The following CSMD1 variants were observed in gnomAD, a reference collection of about 807,000 sequenced individuals.
CSMD1 encodes CUB and sushi domain-containing protein 1.
Under a neutral mutation model 417.5 loss-of-function variants are expected in CSMD1, and 213 were observed. The ratio of observed to expected loss-of-function variants is 0.51; its 90% CI spans 0.46 to 0.57. CSMD1 has a LOEUF of 0.57. Among genes scored for constraint, CSMD1 ranks in the 20% least tolerant of loss-of-function variants. The pLI, the probability that CSMD1 is intolerant of heterozygous loss-of-function variation, is 0.00. For synonymous variants in CSMD1, 2,862 were observed against 1,736.8 expected (o/e 1.65, Z -16.11); for missense variants, 6,923 against 4,529.7 (o/e 1.53, Z -15.17).
chr8:3,584,329 C>T (rs764711136), intron 9 of CSMD1, among the ~76,000 whole-genome samples: 1 of 152,126 alleles, frequency 6.6e-6, no homozygotes, highest in Non-Finnish European at 1.5e-5. Flanking sequence ...AAACCAAACA[C>T]ACCAAACAAG....
chr8:4,069,373 C>G (rs1343073557), intron 3 of CSMD1, among the ~76,000 whole-genome samples: 1 of 152,178 alleles, frequency 6.6e-6, no homozygotes, highest in East Asian at 1.9e-4. Flanking sequence ...GTGATTTTTA[C>G]TTTATGCTTT....
chr8:3,630,245 T>C (rs1274333170), intron 7 of CSMD1, among the ~76,000 whole-genome samples: 1 of 152,134 alleles, frequency 6.6e-6, no homozygotes, highest in Non-Finnish European at 1.5e-5. Context: ...AGATTTTGGA[T>C]AGGGTCACAG....
intron 3 of CSMD1, among the ~76,000 whole-genome samples, chr8:4,072,298 C>A (rs1414379843): frequency 1.3e-5 from 2 of 152,108 alleles, no homozygotes; most frequent in Non-Finnish European, 2.9e-5. Context: ...CAAAAAAATA[C>A]CTTCCTTTGC....
At chr8:3,782,840 C>T (rs181857145) in intron 5 of CSMD1, among the ~76,000 whole-genome samples, 2 of 152,064 alleles carry the variant, frequency 1.3e-5, no homozygotes, top group African/African-American at 2.4e-5. Context: ...ACTTATGGAG[C>T]GACTTTCTTG....
At chr8:3,378,413 C>G (rs762884799) in intron 18 of CSMD1, among the ~76,000 whole-genome samples, 1 of 152,114 alleles carries the variant, frequency 6.6e-6, no homozygotes, top group South Asian at 2.1e-4. Flanking sequence ...GCAGCATCAT[C>G]CTGATACCAA....
intron 1 of CSMD1, among the ~76,000 whole-genome samples, chr8:4,837,499 C>G (rs1288457267): frequency 2.0e-5 from 3 of 152,072 alleles, no homozygotes; most frequent in African/African-American, 7.2e-5. Context: ...CACAGAAAGG[C>G]AAACACAAAA....
Position 4,784,617 on chromosome 8 carries a change from C to A in CSMD1, c.86-147059G>T, listed in dbSNP as rs568280257. ...ACTTACTGTTAAATTTCTTTTTTCA[C>A]CGATGGTTTTAAATATCCATTATGC... On this transcript the variant is annotated intron_variant, in intron 1 of 69. Transcript: ENST00000635120. Among the ~76,000 whole-genome samples the A allele has an allele frequency of 2.0e-5, 3 of 152,130 alleles. No homozygotes were observed. The East Asian group carries it at 5.8e-4, about 29-fold the overall frequency.
intron 1 of CSMD1, among the ~76,000 whole-genome samples, chr8:4,774,111 G>T (rs1279483623): frequency 6.6e-6 from 1 of 152,104 alleles, no homozygotes; most frequent in South Asian, 2.1e-4. Context: ...GCAGGAGAGG[G>T]TTCACTTGAA....
At chr8:4,854,770 C>T (rs1422563997) in intron 1 of CSMD1, among the ~76,000 whole-genome samples, 4 of 152,184 alleles carry the variant, frequency 2.6e-5, no homozygotes, top group African/African-American at 4.8e-5. Flanking sequence ...CCTACACCCA[C>T]AGAGTCTCGC....
At chr8:3,921,134 T>C (rs1236417630) in intron 5 of CSMD1, among the ~76,000 whole-genome samples, 2 of 152,166 alleles carry the variant, frequency 1.3e-5, no homozygotes, top group East Asian at 3.8e-4. Flanking sequence ...CACTGACACA[T>C]TTCCCTTATT....
chr8:3,402,312 G>A (rs1320569122), intron 15 of CSMD1, among the ~76,000 whole-genome samples: 1 of 151,638 alleles, frequency 6.6e-6, no homozygotes, highest in Non-Finnish European at 1.5e-5. Flanking sequence ...TACTTTTTAT[G>A]TGAGTCATTT....
In CSMD1 at chr8:3,309,431, T is replaced by G. The variant is rs185741148; in HGVS notation, c.3632-928A>C. Among the ~76,000 whole-genome samples, 599 of 142,036 alleles carry G rather than the reference T, an allele frequency of 4.2e-3. 5 individuals are homozygous for G. Among genetic ancestry groups the G allele is most frequent in the Non-Finnish European group, 6.3e-3 (408 of 64,414 alleles). 93.2% of individuals were successfully genotyped at this position (142,036 alleles called of 152,430 possible). A position where few individuals can be genotyped will look rare whatever the true frequency, so the allele number is the denominator to read the frequency against. On this transcript the variant is annotated intron_variant, in intron 23 of 69. Coordinates refer to ENST00000635120, the MANE Select transcript of CSMD1 (RefSeq NM_033225.6). ...CAACAACAGAAACTCCAGAAATGAA[T>G]CATTATAATGACCTCATCAAAATAA...
chr8:3,841,563 T>A (rs1803132960), intron 5 of CSMD1, among the ~76,000 whole-genome samples: 1 of 152,172 alleles, frequency 6.6e-6, no homozygotes, highest in African/African-American at 2.4e-5. Flanking sequence ...TCAATTAAAT[T>A]GTTTATCACA....
chr8:4,537,191 C>T (rs1797142684), intron 2 of CSMD1, among the ~76,000 whole-genome samples: 2 of 152,108 alleles, frequency 1.3e-5, no homozygotes, highest in African/African-American at 4.8e-5. Context: ...ATTTATATAT[C>T]AGCATTAAAG....
intron 1 of CSMD1, among the ~76,000 whole-genome samples, chr8:4,989,192 A>G (rs570485413): frequency 6.6e-6 from 1 of 152,294 alleles, no homozygotes; most frequent in South Asian, 2.1e-4. Flanking sequence ...GAGTTCCTTG[A>G]GGATTAATTC....
At chr8:4,885,705 T>G (rs1022994381) in intron 1 of CSMD1, among the ~76,000 whole-genome samples, 4 of 151,434 alleles carry the variant, frequency 2.6e-5, no homozygotes, top group African/African-American at 9.7e-5. Context: ...AGAGATATAA[T>G]AAAGATATAC....
chr8:3,079,775 A>C lies in CSMD1; in HGVS notation c.7474+7322T>G, dbSNP rs554539810. Among the ~76,000 whole-genome samples the C allele has an allele frequency of 3.3e-5, 5 of 152,206 alleles. No individual in the cohort carries two copies. In the East Asian group the frequency reaches 5.8e-4, roughly 18 times the overall value. ...TGGCTTCGATTTTGGAATCTGAAAG[A>C]CTGGAGCTTAAATCCCACCTGAGAT... is the stretch of plus-strand genomic sequence containing the variant. On this transcript the variant is annotated intron_variant, in intron 49 of 69. Transcript: ENST00000635120.
intron 2 of CSMD1, among the ~76,000 whole-genome samples, chr8:4,534,160 A>G (rs766885818): frequency 2.8e-4 from 43 of 152,318 alleles, no homozygotes; most frequent in Non-Finnish European, 2.6e-4. Flanking sequence ...TGATATCATC[A>G]GAAAAGAGAA....
chr8:3,451,790 T>C (rs552497284), intron 12 of CSMD1, among the ~76,000 whole-genome samples: 1 of 152,138 alleles, frequency 6.6e-6, no homozygotes, highest in Non-Finnish European at 1.5e-5. Flanking sequence ...GATTGACTTG[T>C]CGATGCGGGC....
Sources: allele counts gnomAD v4.1 joint callset (sites outside exome capture counted in the v4.1 genomes callset), GRCh38; gene constraint gnomAD v4.1.1; transcripts MANE v1.5; gene names NCBI Gene and HGNC (gene_info 2026-07-23, HGNC 2026-07-21).